NTRK3: variants seen among roughly 807,000 people sequenced by gnomAD.
NTRK3 encodes NT-3 growth factor receptor.
NTRK3 carries 24 observed loss-of-function variants against 91.7 expected under a neutral mutation model. That is an observed-to-expected ratio of 0.26 (90% confidence interval 0.19 to 0.37). The LOEUF (loss-of-function observed/expected upper bound fraction) is 0.37. Among genes scored for constraint, NTRK3 ranks in the 10% least tolerant of loss-of-function variants. The pLI is 1.00. For synonymous variants in NTRK3, 483 were observed against 404.0 expected (o/e 1.20, Z -2.34); for missense variants, 880 against 1,068.9 (o/e 0.82, Z 2.46).
chr15:88,100,663 A>G (rs978552037), intron 13 of NTRK3, among the ~76,000 whole-genome samples: 9 of 152,124 alleles, frequency 5.9e-5, no homozygotes, highest in Admixed American at 4.6e-4. Flanking sequence ...TGAAAACATG[A>G]CCCTCTGAGT....
chr15:88,120,419 C>G (rs2052577534), intron 13 of NTRK3, among the ~76,000 whole-genome samples: 2 of 152,144 alleles, frequency 1.3e-5, no homozygotes, highest in Non-Finnish European at 2.9e-5. Flanking sequence ...ATCCGCAGGC[C>G]CATCAGAGGC....
At chr15:87,917,292 C>T (rs1482151661) in intron 17 of NTRK3, among the ~76,000 whole-genome samples, 5 of 152,156 alleles carry the variant, frequency 3.3e-5, no homozygotes, top group African/African-American at 1.2e-4. Context: ...GCTTCCCTCT[C>T]CCACAGCTGA....
chr15:88,179,321 GTGGAAAGATTCC>G (rs2046263726), intron 5 of NTRK3, among the ~76,000 whole-genome samples: 1 of 152,204 alleles, frequency 6.6e-6, no homozygotes, highest in African/African-American at 2.4e-5. Flanking sequence ...ATGAGCTATA[GTGGAAAGATTCC>G]TGGAAAGAGA....
At chr15:88,027,647 G>C (rs2078156236) in intron 14 of NTRK3, among the ~76,000 whole-genome samples, 1 of 152,232 alleles carries the variant, frequency 6.6e-6, no homozygotes, top group South Asian at 2.1e-4. Flanking sequence ...CTCCCAAAGT[G>C]CTGGGATTAC....
At chr15:87,874,495 C>G (rs1021697235) in exon 19 of NTRK3, 2 of 232,518 alleles carry the variant, frequency 8.6e-6, no homozygotes, top group East Asian at 6.1e-5. Flanking sequence ...TAGCATGGTC[C>G]TTATTCCCAG....
chr15:87,972,683 C>T (rs2073356768), intron 14 of NTRK3, among the ~76,000 whole-genome samples: 1 of 152,120 alleles, frequency 6.6e-6, no homozygotes, highest in Non-Finnish European at 1.5e-5. Context: ...TGAGAAAATA[C>T]CATGATCCTG....
chr15:87,958,087 A>C (rs1190984709), intron 14 of NTRK3, among the ~76,000 whole-genome samples: 2 of 152,202 alleles, frequency 1.3e-5, no homozygotes. Context: ...TAAACTTCCC[A>C]CGTAATGCTA....
chr15:88,194,474 G>A lies in NTRK3; in HGVS notation c.249-10175C>T, dbSNP rs573315149. Among the ~76,000 whole-genome samples the A allele has an allele frequency of 2.6e-5, 4 of 152,282 alleles. No individual in the cohort carries two copies. The South Asian group carries it at 8.3e-4, about 32-fold the overall frequency. ...GTCTCCATATCAATAAATGACACTGGTATCATGGAGTTGTCCCAGACAAAC... is the reference window on the plus strand; with the variant it reads ...GTCTCCATATCAATAAATGACACTGATATCATGGAGTTGTCCCAGACAAAC... On this transcript the variant is annotated intron_variant, in intron 3 of 18. Transcript: ENST00000394480.
At chr15:88,053,215 G>A (rs953112413) in intron 13 of NTRK3, among the ~76,000 whole-genome samples, 12 of 152,332 alleles carry the variant, frequency 7.9e-5, no homozygotes, top group Admixed American at 2.6e-4. Context: ...AAAGGAAGGT[G>A]CAGCAGGGTA....
chr15:88,255,479 C>A lies in NTRK3; in HGVS notation c.248+427G>T, dbSNP rs2053940159. Among the ~76,000 whole-genome samples the A allele has an allele frequency of 6.6e-6, 1 of 152,100 alleles. No individual in the cohort carries two copies. The highest frequency in any genetic ancestry group is 1.5e-5 in the Non-Finnish European group (1 of 68,030). On this transcript the variant is annotated intron_variant, in intron 3 of 18. Coordinates refer to ENST00000394480, the Ensembl canonical transcript of NTRK3. The surrounding 1 kb of genome is among the most constrained non-coding windows in gnomAD (Gnocchi z 4.3). ...ACCTTCCCTGCCGGCTAAGCGCTGCCGCCGCTGCCACCGCCGCTGCCGCCT... is the reference window on the plus strand; with the variant it reads ...ACCTTCCCTGCCGGCTAAGCGCTGCAGCCGCTGCCACCGCCGCTGCCGCCT...
chr15:88,012,818 G>C (rs918254642), intron 14 of NTRK3, among the ~76,000 whole-genome samples: 2 of 152,188 alleles, frequency 1.3e-5, no homozygotes, highest in African/African-American at 4.8e-5. Context: ...ATCACCCAGA[G>C]GGCTTATTGA....
chr15:88,213,587 G>C (rs2049458148), intron 3 of NTRK3, among the ~76,000 whole-genome samples: 1 of 151,860 alleles, frequency 6.6e-6, no homozygotes, highest in South Asian at 2.1e-4. Flanking sequence ...AGTGTAGATG[G>C]ACTTCAAATA....
intron 3 of NTRK3, among the ~76,000 whole-genome samples, chr15:88,188,825 A>T (rs781776273): frequency 3.3e-5 from 5 of 152,228 alleles, no homozygotes; most frequent in Non-Finnish European, 7.3e-5. Flanking sequence ...TCTTCTCACC[A>T]TCTCTGGCTG....
intron 3 of NTRK3, among the ~76,000 whole-genome samples, chr15:88,200,667 G>GT (rs1375599328): frequency 6.6e-6 from 1 of 152,162 alleles, no homozygotes; most frequent in African/African-American, 2.4e-5. Context: ...TGCCATGACT[G>GT]TAAGTTTCCT....
At chr15:88,061,064 T>C (rs1315857196) in intron 13 of NTRK3, among the ~76,000 whole-genome samples, 1 of 152,166 alleles carries the variant, frequency 6.6e-6, no homozygotes, top group Non-Finnish European at 1.5e-5. Context: ...TTCATTGATT[T>C]TTATGTTGAA....
chr15:88,149,803 G>T (rs187023282), intron 5 of NTRK3, among the ~76,000 whole-genome samples: 13 of 152,320 alleles, frequency 8.5e-5, no homozygotes, highest in African/African-American at 3.1e-4. Flanking sequence ...ACAGGATTTG[G>T]TACTGCTCTG....
intron 3 of NTRK3, among the ~76,000 whole-genome samples, chr15:88,198,679 C>T (rs1202581759): frequency 6.6e-6 from 1 of 152,030 alleles, no homozygotes; most frequent in Non-Finnish European, 1.5e-5. Flanking sequence ...CCTCCTCGTG[C>T]CCCATGCTCA....
chr15:88,178,256 G>T (rs957926628), intron 5 of NTRK3, among the ~76,000 whole-genome samples: 13 of 152,170 alleles, frequency 8.5e-5, no homozygotes, highest in African/African-American at 3.1e-4. Flanking sequence ...AGAATCTGGG[G>T]TTATTCCAAG....
chr15:87,862,235 G>A (rs1258746546), exon 19 of NTRK3: 1 of 223,476 alleles, frequency 4.5e-6, no homozygotes, highest in African/African-American at 2.2e-5. Flanking sequence ...GGAAGGAATG[G>A]ATGGCTACAT....
Sources: gnomAD v4.1 joint callset for allele counts (sites outside exome capture counted in the v4.1 genomes callset) on GRCh38, gnomAD v4.1.1 for gene constraint, Gnocchi (gnomAD v3.1) non-coding constraint, MANE v1.5 for transcripts, NCBI Gene and HGNC (gene_info 2026-07-23, HGNC 2026-07-21) for gene names.